SH3PXD2A: variants seen among roughly 807,000 people sequenced by gnomAD.
SH3PXD2A encodes SH3 and PX domain-containing protein 2A.
Under a neutral mutation model 115.2 loss-of-function variants are expected in SH3PXD2A, and 32 were observed. That is an observed-to-expected ratio of 0.28 (90% CI 0.21 to 0.37). SH3PXD2A has a LOEUF of 0.37. Among genes scored for constraint, SH3PXD2A ranks in the 10% least tolerant of loss-of-function variants. The probability of loss-of-function intolerance (pLI) is 1.00; values close to 1 mark genes in which losing one functional copy is unlikely to be tolerated. For missense variants in SH3PXD2A, 1,328 were observed against 1,498.7 expected, an observed-to-expected ratio of 0.89 and a Z score of 1.88; for synonymous variants, 610 against 629.1, an observed-to-expected ratio of 0.97 and a Z score of 0.45.
chr10:103,823,642 A>T (rs893550566), intron 1 of SH3PXD2A, among the ~76,000 whole-genome samples: 11 of 152,346 alleles, frequency 7.2e-5, no homozygotes, highest in African/African-American at 2.6e-4. Context: ...GACTTGCCCA[A>T]GGTCACACAG....
chr10:103,658,309 G>C (rs1348167279), intron 8 of SH3PXD2A, among the ~76,000 whole-genome samples: 1 of 152,250 alleles, frequency 6.6e-6, no homozygotes, highest in Non-Finnish European at 1.5e-5. Flanking sequence ...GCAAGGCCCA[G>C]GGAGGTGGGG....
intron 5 of SH3PXD2A, among the ~76,000 whole-genome samples, chr10:103,710,590 C>G (rs777519765): frequency 6.6e-6 from 1 of 152,108 alleles, no homozygotes; most frequent in Non-Finnish European, 1.5e-5. Flanking sequence ...TCAGCTAGCA[C>G]GAGGGATATG....
At chr10:103,816,181 G>A (rs978997652) in intron 1 of SH3PXD2A, among the ~76,000 whole-genome samples, 5 of 152,142 alleles carry the variant, frequency 3.3e-5, no homozygotes, top group African/African-American at 1.2e-4. Context: ...AAAGAACTAC[G>A]TAAGGTGATG....
intron 6 of SH3PXD2A, among the ~76,000 whole-genome samples, chr10:103,687,612 C>T (rs557225900): frequency 3.3e-5 from 5 of 152,196 alleles, no homozygotes; most frequent in East Asian, 1.9e-4. Flanking sequence ...CAGCCCCCTG[C>T]GACCTTGCAC....
chr10:103,608,120 T>A (rs1460534634), intron 13 of SH3PXD2A, among the ~76,000 whole-genome samples: 1 of 61,206 alleles, frequency 1.6e-5, no homozygotes, highest in Non-Finnish European at 3.0e-5. Context: ...CAAATCCCCC[T>A]CTGCGAGAAA....
intron 8 of SH3PXD2A, among the ~76,000 whole-genome samples, chr10:103,642,528 G>A (rs528596642): frequency 6.6e-6 from 1 of 152,302 alleles, no homozygotes; most frequent in African/African-American, 2.4e-5. Flanking sequence ...GGAAGCCAAC[G>A]TCAGACTAGT....
intron 2 of SH3PXD2A, among the ~76,000 whole-genome samples, chr10:103,779,021 T>C (rs1564886997): frequency 6.6e-6 from 1 of 152,198 alleles, no homozygotes. Flanking sequence ...GCAGAAGGAA[T>C]AGTGTCTCCC....
chr10:103,791,607 T>C (rs1351237410), intron 2 of SH3PXD2A, among the ~76,000 whole-genome samples: 3 of 152,030 alleles, frequency 2.0e-5, no homozygotes, highest in African/African-American at 4.8e-5. Flanking sequence ...TTTCCCTTTA[T>C]GCATAGATGT....
intron 1 of SH3PXD2A, among the ~76,000 whole-genome samples, chr10:103,825,374 G>A (rs1194801449): frequency 2.6e-5 from 4 of 152,184 alleles, no homozygotes; most frequent in Admixed American, 6.5e-5. Context: ...AACAGGCGTT[G>A]CAGGGAGGAG....
rs371271038 is a variant in SH3PXD2A at position 103,834,273 on chromosome 10, C to G, written c.72+20922G>C. On this transcript the variant is annotated intron_variant, in intron 1 of 14. Transcript: ENST00000369774. ...CATGGAAGGAATCCAGCTCACCCTA[C>G]GAGCCAATGAAGGGGCTGATGGTAG... is the stretch of plus-strand genomic sequence containing the variant. Among the ~76,000 whole-genome samples the G allele has an allele frequency of 1.5e-3, 223 of 152,220 alleles. 1 individual carries two copies. The highest frequency in any genetic ancestry group is 5.1e-3 in the African/African-American group (211 of 41,526).
At chr10:103,695,078 T>G (rs2037808421) in intron 5 of SH3PXD2A, among the ~76,000 whole-genome samples, 1 of 152,184 alleles carries the variant, frequency 6.6e-6, no homozygotes, top group South Asian at 2.1e-4. Flanking sequence ...GCCTTTTCAC[T>G]GAGGGCTACT....
rs1047660135 is a variant in SH3PXD2A, at chr10:103,751,048, C to T, written c.230-15240G>A. On this transcript the variant is annotated intron_variant, in intron 3 of 14. Coordinates refer to ENST00000369774, the MANE Select transcript of SH3PXD2A (RefSeq NM_001394015.1). ...TCAGCTCCAGGCATTTCCCCCAGAC[C>T]AATAGAATGCAGAGTATGCAAGGCA... 2.0e-5 allele frequency among the ~76,000 whole-genome samples: 3 copies of T among 152,256 alleles called. 1 individual carries two copies. Among genetic ancestry groups the T allele is most frequent in the Admixed American group, 2.0e-4 (3 of 15,300 alleles).
chr10:103,809,848 C>T (rs1487745716), intron 1 of SH3PXD2A, among the ~76,000 whole-genome samples: 2 of 145,998 alleles, frequency 1.4e-5, no homozygotes, highest in Non-Finnish European at 3.0e-5. Context: ...CCACACTAGG[C>T]TTTTTTTTTT....
At chr10:103,704,661 G>A (rs982825445) in intron 5 of SH3PXD2A, among the ~76,000 whole-genome samples, 1 of 152,220 alleles carries the variant, frequency 6.6e-6, no homozygotes, top group Non-Finnish European at 1.5e-5. Flanking sequence ...CACTCAAAAC[G>A]CAGGACAAAC....
chr10:103,734,766 A>G (rs528506815), intron 4 of SH3PXD2A, among the ~76,000 whole-genome samples: 1 of 152,302 alleles, frequency 6.6e-6, no homozygotes, highest in East Asian at 1.9e-4. Context: ...TAAATAAATA[A>G]ATAAAAATTT....
At chr10:103,796,880 G>C (rs1017603665) in intron 2 of SH3PXD2A, among the ~76,000 whole-genome samples, 4 of 73,270 alleles carry the variant, frequency 5.5e-5, no homozygotes, top group African/African-American at 2.3e-4. Context: ...TTTTTTTTTT[G>C]AGATAGGGTG....
At chr10:103,773,231 A>G (rs1399012559) in intron 2 of SH3PXD2A, among the ~76,000 whole-genome samples, 1 of 151,128 alleles carries the variant, frequency 6.6e-6, no homozygotes, top group Non-Finnish European at 1.5e-5. Flanking sequence ...TCTCAAAAAA[A>G]AAAAAAAAAA....
chr10:103,621,576 G>C (rs781316878), intron 10 of SH3PXD2A, among the ~76,000 whole-genome samples: 4 of 152,254 alleles, frequency 2.6e-5, no homozygotes, highest in Non-Finnish European at 2.9e-5. Flanking sequence ...CTTCCAGAAA[G>C]GCCAGTGTTT....
At chr10:103,815,248 C>T (rs2039312623) in intron 1 of SH3PXD2A, among the ~76,000 whole-genome samples, 1 of 151,956 alleles carries the variant, frequency 6.6e-6, no homozygotes, top group African/African-American at 2.4e-5. Flanking sequence ...CAAAAGACAT[C>T]AGCAAGAAAG....
Sources: gnomAD v4.1 joint callset for allele counts (sites outside exome capture counted in the v4.1 genomes callset) on GRCh38, gnomAD v4.1.1 for gene constraint, MANE v1.5 for transcripts, NCBI Gene and HGNC (gene_info 2026-07-23, HGNC 2026-07-21) for gene names.